Variants in NEURL1B observed in about 807,000 individuals in gnomAD.
NEURL1B encodes E3 ubiquitin-protein ligase NEURL1B.
A neutral mutation model predicts 37.4 loss-of-function variants in NEURL1B; 13 were observed. The ratio of observed to expected loss-of-function variants is 0.35; its 90% CI spans 0.23 to 0.55. The LOEUF (loss-of-function observed/expected upper bound fraction) is 0.55, where lower values mean the gene tolerates loss of function less well. Ranked by LOEUF, NEURL1B falls within the 20% of genes least tolerant of loss-of-function variation. The pLI is 0.89. For missense variants in NEURL1B, 790 were observed against 879.2 expected, an observed-to-expected ratio of 0.90 and a Z score of 1.28; for synonymous variants, 432 against 426.6, an observed-to-expected ratio of 1.01 and a Z score of -0.16.
chr5:172,668,741 A>C (rs1304366664), intron 1 of NEURL1B, among the ~76,000 whole-genome samples: 1 of 152,160 alleles, frequency 6.6e-6, no homozygotes, highest in East Asian at 1.9e-4. Context: ...TTCATGTAGT[A>C]ATCTCCCGCC....
rs1758241919 is a variant in NEURL1B, at chr5:172,676,884, T to A, written c.578-6535T>A. Among the ~76,000 whole-genome samples the A allele has an allele frequency of 6.6e-6, 1 of 152,052 alleles. No individual in the cohort carries two copies. ...ACTGTTGGTGGTCCTAAAGTCAGAG[T>A]TTGTTCATTATTGTTATAAACAAAG... On this transcript the variant is annotated intron_variant, in intron 2 of 4. Coordinates refer to ENST00000369800, the MANE Select transcript of NEURL1B (RefSeq NM_001142651.3). This position sits in a 1 kb window ranked among gnomAD's most constrained non-coding sequence, Gnocchi z 4.5.
rs1195378856 is a variant in NEURL1B, at chr5:172,690,041, C to T, written c.*3116C>T. On this transcript the variant is annotated 3_prime_UTR_variant, in exon 5 of 5. Transcript: ENST00000369800. ...CCCCCTCAAGCGGGGCCCCAGCCCC[C>T]TGAGCACCCCCTCACGTGACCCAGC... The T allele has an allele frequency of 2.6e-5, 4 of 152,552 alleles. No individual in the cohort carries two copies. Among genetic ancestry groups the T allele is most frequent in the Middle Eastern group, 3.4e-3 (1 of 294 alleles). The allele number at this position is 152,552 out of a possible 1,614,324, so 9.4% of individuals were successfully genotyped here.
chr5:172,669,311 G>C (rs1180376870), intron 1 of NEURL1B, among the ~76,000 whole-genome samples: 1 of 152,184 alleles, frequency 6.6e-6, no homozygotes, highest in Non-Finnish European at 1.5e-5. Context: ...AGTAGGGGAG[G>C]TATTATTTGG....
chr5:172,684,126 C>G lies in NEURL1B; in HGVS notation c.1285C>G (p.Leu429Val). ...CGTGCGCGGCGGCGTCGCGGGCCAGCTGCGTCTCCTCGGTGAGTCCCCGGC... is the reference window on the plus strand; with the variant it reads ...CGTGCGCGGCGGCGTCGCGGGCCAGGTGCGTCTCCTCGGTGAGTCCCCGGC... ...FAVRGGVAGQ[L>V]RLLGTLQSSP... The change falls in exon 3 of 5, where the codon CTG becomes GTG. Residue 429 changes from leucine (L) to valine (V), a missense_variant. Physicochemically the swap from Leu to Val is conservative, Grantham distance 32. Coordinates refer to ENST00000369800, the MANE Select transcript of NEURL1B (RefSeq NM_001142651.3). The G allele has an allele frequency of 1.6e-6, 2 of 1,252,762 alleles. No homozygotes were observed. Among genetic ancestry groups the G allele is most frequent in the Non-Finnish European group, 2.0e-6 (2 of 998,238 alleles). The allele number at this position is 1,252,762 out of a possible 1,614,324, so 77.6% of individuals were successfully genotyped here. A position where few individuals can be genotyped will look rare whatever the true frequency, so the allele number is the denominator to read the frequency against.
chr5:172,689,946 C>T lies in NEURL1B; in HGVS notation c.*3021C>T, dbSNP rs935400039. On this transcript the variant is annotated 3_prime_UTR_variant, in exon 5 of 5. Coordinates refer to ENST00000369800, the MANE Select transcript of NEURL1B (RefSeq NM_001142651.3). ...AACCCAAGGGCCCTCTCTTGTTATTCAGGGGTGTCCACAGTTAGGAAGGGA... is the reference window on the plus strand; with the variant it reads ...AACCCAAGGGCCCTCTCTTGTTATTTAGGGGTGTCCACAGTTAGGAAGGGA... 6.6e-6 allele frequency: 1 copy of T among 152,246 alleles called. No individual in the cohort carries two copies. Among genetic ancestry groups the T allele is most frequent in the Non-Finnish European group, 1.5e-5 (1 of 68,080 alleles). The allele number at this position is 152,246 out of a possible 1,614,324, so 9.4% of individuals were successfully genotyped here. A position where few individuals can be genotyped will look rare whatever the true frequency, so the allele number is the denominator to read the frequency against.
Position 172,676,170 on chromosome 5 carries a change from AG to A in NEURL1B, c.577+5842del, listed in dbSNP as rs1458234775. ...CACTTAAGGAAAAAAAAAAAAAAAG[AG>A]GAAGCATTAATGTCTCATGTGGCTG... is the stretch of plus-strand genomic sequence containing the variant. On this transcript the variant is annotated intron_variant, in intron 2 of 4. Transcript: ENST00000369800. This position sits in a 1 kb window ranked among gnomAD's most constrained non-coding sequence, Gnocchi z 4.5. 2.0e-5 allele frequency among the ~76,000 whole-genome samples: 3 copies of A among 150,594 alleles called. No homozygotes were observed. The highest frequency in any genetic ancestry group is 4.4e-5 in the Non-Finnish European group (3 of 67,752).
At chr5:172,669,431 C>T (rs2113303387) in intron 1 of NEURL1B, among the ~76,000 whole-genome samples, 1 of 152,286 alleles carries the variant, frequency 6.6e-6, no homozygotes, top group East Asian at 1.9e-4. Flanking sequence ...CCCGCGAGGT[C>T]CTTGTAGCTG....
intron 1 of NEURL1B, among the ~76,000 whole-genome samples, chr5:172,642,879 T>A (rs1757491608): frequency 6.6e-6 from 1 of 152,358 alleles, no homozygotes; most frequent in African/African-American, 2.4e-5. Context: ...GGTCAGGAGA[T>A]ATCTGGGGAT....
rs1035592490 is a variant in NEURL1B, at chr5:172,641,527, C to T, written c.31+90C>T. The T allele has an allele frequency of 1.2e-5, 13 of 1,083,570 alleles. No homozygotes were observed. Among genetic ancestry groups the T allele is most frequent in the Admixed American group, 8.5e-5 (2 of 23,412 alleles). The allele number at this position is 1,083,570 out of a possible 1,614,324, so 67.1% of individuals were successfully genotyped here. A position where few individuals can be genotyped will look rare whatever the true frequency, so the allele number is the denominator to read the frequency against. On this transcript the variant is annotated intron_variant, in intron 1 of 4. Transcript: ENST00000369800. The surrounding 1 kb of genome is among the most constrained non-coding windows in gnomAD (Gnocchi z 6.4). ...GTGACTCTGGAGAGCTACCCCACGG[C>T]CCTTGGAGCCCTCGGCTCGCAGCGG...
chr5:172,681,224 A>G (rs1758344901), intron 2 of NEURL1B, among the ~76,000 whole-genome samples: 1 of 152,240 alleles, frequency 6.6e-6, no homozygotes, highest in East Asian at 1.9e-4. Flanking sequence ...GGGTGGACAC[A>G]AATCCAAACC....
At chr5:172,644,113 T>A (rs1757518425) in intron 1 of NEURL1B, among the ~76,000 whole-genome samples, 1 of 152,084 alleles carries the variant, frequency 6.6e-6, no homozygotes, top group East Asian at 1.9e-4. Flanking sequence ...CCAGGGAGAT[T>A]TTGTCTGTTT....
rs956027113 is a variant in NEURL1B, at chr5:172,683,287, G to A, written c.578-132G>A. 14 of 1,043,648 alleles carry A rather than the reference G, an allele frequency of 1.3e-5. No homozygotes were observed. Among genetic ancestry groups the A allele is most frequent in the Non-Finnish European group, 1.6e-5 (13 of 815,302 alleles). 64.6% of individuals were successfully genotyped at this position (1,043,648 alleles called of 1,614,324 possible). A position where few individuals can be genotyped will look rare whatever the true frequency, so the allele number is the denominator to read the frequency against. ...ATGGACAAAAGGAGAGTTCGAAGCC[G>A]GGGTGGGGTGGGGGCTGCTCGAGGC... is the stretch of plus-strand genomic sequence containing the variant. On this transcript the variant is annotated intron_variant, in intron 2 of 4. Transcript: ENST00000369800. This position sits in a 1 kb window ranked among gnomAD's most constrained non-coding sequence, Gnocchi z 5.6.
intron 2 of NEURL1B, among the ~76,000 whole-genome samples, chr5:172,681,014 A>C (rs1758341818): frequency 1.3e-5 from 2 of 152,200 alleles, no homozygotes. Flanking sequence ...GGAAACTTAC[A>C]ATCATGGCAG....
chr5:172,651,700 G>A (rs188029224), intron 1 of NEURL1B, among the ~76,000 whole-genome samples: 186 of 152,342 alleles, frequency 1.2e-3, no homozygotes, highest in African/African-American at 4.2e-3. Flanking sequence ...ATAAATCGCT[G>A]TTGGTTGTAA....
At chr5:172,682,622 C>T (rs954816683) in intron 2 of NEURL1B, among the ~76,000 whole-genome samples, 1 of 152,184 alleles carries the variant, frequency 6.6e-6, no homozygotes, top group African/African-American at 2.4e-5. Flanking sequence ...TATCAACTGA[C>T]TCAATCTCCC....
chr5:172,674,721 T>A (rs1758196366), intron 2 of NEURL1B, among the ~76,000 whole-genome samples: 1 of 152,098 alleles, frequency 6.6e-6, no homozygotes, highest in Non-Finnish European at 1.5e-5. Flanking sequence ...TTGGGAACCT[T>A]GGGAGTCAAG....
chr5:172,669,919 T>C lies in NEURL1B; in HGVS notation c.166T>C (p.Ser56Pro). The C allele has an allele frequency of 6.9e-7, 1 of 1,451,064 alleles. No homozygotes were observed. The highest frequency in any genetic ancestry group is 9.0e-7 in the Non-Finnish European group (1 of 1,106,984). 89.9% of individuals were successfully genotyped at this position (1,451,064 alleles called of 1,614,324 possible). A position where few individuals can be genotyped will look rare whatever the true frequency, so the allele number is the denominator to read the frequency against. ...KGKNVRLDGH[S>P]RRATRRNSFC... ...CAAGAACGTGCGGCTGGACGGCCACTCGCGCCGGGCCACACGGCGCAACAG... is the reference window on the plus strand; with the variant it reads ...CAAGAACGTGCGGCTGGACGGCCACCCGCGCCGGGCCACACGGCGCAACAG... The change falls in exon 2 of 5, where the codon TCG becomes CCG. Residue 56 changes from serine (S) to proline (P), a missense_variant. Ser to Pro is a moderately conservative substitution (Grantham distance 74). Transcript: ENST00000369800.
chr5:172,642,867 C>T (rs995973358), intron 1 of NEURL1B, among the ~76,000 whole-genome samples: 1 of 152,188 alleles, frequency 6.6e-6, no homozygotes, highest in African/African-American at 2.4e-5. Context: ...AACCCACCCG[C>T]GGGTCAGGAG....
Position 172,669,892 on chromosome 5 carries a change from G to A in NEURL1B, c.139G>A (p.Gly47Ser). ...EAPRFHAQAKGKNVRLDGHSR... is the reference protein window; with the variant it reads ...EAPRFHAQAKSKNVRLDGHSR... ...GCCGCGCTTCCACGCGCAGGCCAAA[G>A]GCAAGAACGTGCGGCTGGACGGCCA... The change falls in exon 2 of 5, where the codon GGC (glycine) becomes AGC (serine). Residue 47 changes from glycine to serine, a missense_variant. Transcript: ENST00000369800. 6.9e-7 allele frequency: 1 copy of A among 1,451,322 alleles called. No homozygotes were observed. The highest frequency in any genetic ancestry group is 3.0e-5 in the East Asian group (1 of 33,624). 89.9% of individuals were successfully genotyped at this position (1,451,322 alleles called of 1,614,324 possible).
Sources: allele counts gnomAD v4.1 joint callset (sites outside exome capture counted in the v4.1 genomes callset), GRCh38; gene constraint gnomAD v4.1.1; non-coding constraint Gnocchi (gnomAD v3.1); transcripts MANE v1.5; gene names NCBI Gene and HGNC (gene_info 2026-07-23, HGNC 2026-07-21).